SEMA3A: variants seen among roughly 807,000 people sequenced by gnomAD.
SEMA3A encodes the protein semaphorin-3A.
A neutral mutation model predicts 97.9 loss-of-function variants in SEMA3A; 29 were observed. The observed-to-expected ratio is 0.30, with a 90% confidence interval of 0.22 to 0.40. The LOEUF (loss-of-function observed/expected upper bound fraction) is 0.40, where lower values mean the gene tolerates loss of function less well. Ranked by LOEUF, SEMA3A falls within the 10% of genes least tolerant of loss-of-function variation. The probability of loss-of-function intolerance (pLI) is 1.00; values close to 1 mark genes in which losing one functional copy is unlikely to be tolerated. For synonymous variants in SEMA3A, 321 were observed against 323.7 expected (o/e 0.99, Z 0.09); for missense variants, 763 against 951.3 (o/e 0.80, Z 2.60).
intron 6 of SEMA3A, among the ~76,000 whole-genome samples, chr7:84,033,242 A>AT (rs1791821787): frequency 6.6e-6 from 1 of 152,168 alleles, no homozygotes; most frequent in Admixed American, 6.5e-5. Context: ...TCTACTACAT[A>AT]TTTTTAAAAT....
At chr7:84,322,227 T>G (rs1801666589) in intron 2 of SEMA3A, among the ~76,000 whole-genome samples, 1 of 152,012 alleles carries the variant, frequency 6.6e-6, no homozygotes, top group Admixed American at 6.6e-5. Context: ...AAGTGAGATT[T>G]GGGTGGGGAC....
chr7:84,091,191 A>G (rs759379448), intron 4 of SEMA3A, among the ~76,000 whole-genome samples: 3,012 of 74,708 alleles, frequency 0.04, 71 homozygotes, highest in African/African-American at 0.068. Context: ...AAAGAAAGAA[A>G]GAAAGAAAGA....
At chr7:84,487,452 A>G (rs1222061518) in intron 1 of SEMA3A, among the ~76,000 whole-genome samples, 1 of 152,200 alleles carries the variant, frequency 6.6e-6, no homozygotes, top group Non-Finnish European at 1.5e-5. Flanking sequence ...TCCCTGGAAC[A>G]TGAGCCAGAA....
chr7:84,095,362 T>C (rs1377336077), intron 4 of SEMA3A, among the ~76,000 whole-genome samples: 2,036 of 46,118 alleles, frequency 0.044, 103 homozygotes, highest in African/African-American at 0.077. Context: ...TATATACATA[T>C]ATATATATAT....
intron 1 of SEMA3A, among the ~76,000 whole-genome samples, chr7:84,158,866 A>T (rs2116155774): frequency 6.6e-6 from 1 of 151,894 alleles, no homozygotes; most frequent in African/African-American, 2.4e-5. Context: ...ATAATAGCAA[A>T]GAAAATTTGT....
chr7:84,295,246 A>C (rs545833760), intron 3 of SEMA3A, among the ~76,000 whole-genome samples: 2 of 152,048 alleles, frequency 1.3e-5, no homozygotes, highest in Non-Finnish European at 2.9e-5. Flanking sequence ...TTCAAAATAG[A>C]CATTAATCAA....
rs577999357 is a variant in SEMA3A at position 84,436,024 on chromosome 7, C to A, written c.-246+56436G>T. On this transcript the variant is annotated intron_variant, in intron 1 of 3. Coordinates refer to the SEMA3A transcript ENST00000424555. ...CCAAATAGGGAACTCAGAAACAGAA[C>A]TGCACACCTAAAACTATCTGATGTT... Among the ~76,000 whole-genome samples, 6 of 152,240 alleles carry A rather than the reference C, an allele frequency of 3.9e-5. No individual in the cohort carries two copies. In the East Asian group the frequency reaches 1.2e-3, roughly 29 times the overall value.
At position 83,961,234 on chromosome 7, in the gene SEMA3A, T is replaced by C; in HGVS notation, c.*137A>G. 1.4e-6 allele frequency: 1 copy of C among 715,772 alleles called. No individual in the cohort carries two copies. The highest frequency in any genetic ancestry group is 2.4e-6 in the Non-Finnish European group (1 of 417,172). 44.3% of individuals were successfully genotyped at this position (715,772 alleles called of 1,614,324 possible). ...ACTCATGGATTTAATTTATAATTGG[T>C]GGAACTCAGCTGAATTTCCCACCAT... is the stretch of plus-strand genomic sequence containing the variant. On this transcript the variant is annotated 3_prime_UTR_variant, in exon 17 of 17. Coordinates refer to ENST00000265362, the MANE Select transcript of SEMA3A (RefSeq NM_006080.3).
intron 1 of SEMA3A, among the ~76,000 whole-genome samples, chr7:84,162,867 A>G (rs1797082160): frequency 6.6e-6 from 1 of 152,196 alleles, no homozygotes; most frequent in Admixed American, 6.5e-5. Context: ...TATCTGTGCA[A>G]TAGTTCATGC....
At chr7:84,221,173 A>T (rs913593592) in intron 3 of SEMA3A, among the ~76,000 whole-genome samples, 7 of 152,016 alleles carry the variant, frequency 4.6e-5, no homozygotes, top group Non-Finnish European at 8.8e-5. Context: ...GACCTCATGA[A>T]CCAAACTCTG....
intron 1 of SEMA3A, among the ~76,000 whole-genome samples, chr7:84,381,154 A>G (rs1420787193): frequency 6.6e-6 from 1 of 152,122 alleles, no homozygotes; most frequent in Non-Finnish European, 1.5e-5. Flanking sequence ...TGCCCTTTAC[A>G]CTTTATATTA....
At chr7:84,206,423 T>C (rs1798495829) in intron 3 of SEMA3A, among the ~76,000 whole-genome samples, 1 of 150,994 alleles carries the variant, frequency 6.6e-6, no homozygotes, top group Admixed American at 6.6e-5. Context: ...GCAGGGTTCA[T>C]GGCATTCTCC....
At chr7:84,371,514 A>C (rs929661910) in intron 2 of SEMA3A, among the ~76,000 whole-genome samples, 2 of 151,908 alleles carry the variant, frequency 1.3e-5, no homozygotes, top group Admixed American at 6.6e-5. Context: ...ATCAACTCAT[A>C]ATTAAGATAT....
At chr7:84,155,112 T>C (rs1193224951) in intron 1 of SEMA3A, among the ~76,000 whole-genome samples, 1 of 152,110 alleles carries the variant, frequency 6.6e-6, no homozygotes. Context: ...CTGTTTTTCA[T>C]GGACTAAGTC....
At chr7:84,380,474 G>T in intron 1 of SEMA3A, among the ~76,000 whole-genome samples, 1 of 152,120 alleles carries the variant, frequency 6.6e-6, no homozygotes, top group Admixed American at 6.5e-5. Context: ...AGGAGGTGAT[G>T]GTTTTCTGAA....
At chr7:84,290,818 C>A (rs1030782991) in intron 3 of SEMA3A, among the ~76,000 whole-genome samples, 2 of 152,078 alleles carry the variant, frequency 1.3e-5, no homozygotes, top group Admixed American at 1.3e-4. Flanking sequence ...TGACTGTACC[C>A]TCTTGAAAAG....
intron 6 of SEMA3A, among the ~76,000 whole-genome samples, chr7:84,018,899 G>A (rs1424848281): frequency 2.6e-5 from 4 of 152,108 alleles, no homozygotes; most frequent in Admixed American, 2.6e-4. Context: ...TCCTGCTGCT[G>A]CAGAGAAAAA....
At chr7:84,354,039 G>C (rs774115644) in intron 2 of SEMA3A, among the ~76,000 whole-genome samples, 3 of 151,216 alleles carry the variant, frequency 2.0e-5, no homozygotes, top group Non-Finnish European at 4.4e-5. Flanking sequence ...ACTGAAAAAA[G>C]AAAGAAATAA....
At chr7:84,067,632 C>G (rs951719312) in intron 4 of SEMA3A, among the ~76,000 whole-genome samples, 2 of 152,252 alleles carry the variant, frequency 1.3e-5, no homozygotes, top group African/African-American at 4.8e-5. Context: ...AGACACTTCT[C>G]AAAAGAAGAC....
Sources: gnomAD v4.1 joint callset for allele counts (sites outside exome capture counted in the v4.1 genomes callset) on GRCh38, gnomAD v4.1.1 for gene constraint, MANE v1.5 for transcripts, NCBI Gene and HGNC (gene_info 2026-07-23, HGNC 2026-07-21) for gene names.